FOXK2: variants seen among roughly 807,000 people sequenced by gnomAD.
The protein encoded by FOXK2 is forkhead box K2.
A neutral mutation model predicts 53.3 loss-of-function variants in FOXK2; 24 were observed. The ratio of observed to expected loss-of-function variants is 0.45; its 90% CI spans 0.33 to 0.63. The LOEUF is 0.63. Among genes scored for constraint, FOXK2 ranks in the 30% least tolerant of loss-of-function variants. The pLI, the probability that FOXK2 is intolerant of heterozygous loss-of-function variation, is 0.03. For missense variants in FOXK2, 952 were observed against 910.5 expected, an observed-to-expected ratio of 1.05 and a Z score of -0.59; for synonymous variants, 505 against 407.1, an observed-to-expected ratio of 1.24 and a Z score of -2.89.
chr17:82,600,364 C>T (rs1159191500), intron 8 of FOXK2: 3 of 152,250 alleles, frequency 2.0e-5, no homozygotes, highest in Non-Finnish European at 1.5e-5. Flanking sequence ...TGGACCGAAC[C>T]CCGGGGAAAG....
chr17:82,547,446 A>C (rs989803744), intron 1 of FOXK2, among the ~76,000 whole-genome samples: 2 of 151,946 alleles, frequency 1.3e-5, no homozygotes, highest in African/African-American at 4.8e-5. Context: ...CCTGGGCTGC[A>C]TGCAGCCCAC....
chr17:82,584,892 TTTAC>T (rs767615064), intron 6 of FOXK2, among the ~76,000 whole-genome samples: 1 of 152,212 alleles, frequency 6.6e-6, no homozygotes, highest in Non-Finnish European at 1.5e-5. Context: ...CAGTTTGCAG[TTTAC>T]TTAGTCATAA....
intron 8 of FOXK2, chr17:82,599,578 C>T (rs1012536901): frequency 5.9e-5 from 9 of 152,256 alleles, no homozygotes; most frequent in Non-Finnish European, 1.3e-4. Context: ...AAACGGGGCT[C>T]TCACGGCTGA....
intron 1 of FOXK2, among the ~76,000 whole-genome samples, chr17:82,556,745 A>G (rs1036947366): frequency 1.3e-4 from 20 of 151,916 alleles, no homozygotes; most frequent in Admixed American, 1.3e-3. Context: ...CACCCAGGCT[A>G]GAGTGCAGTG....
At chr17:82,549,086 A>C (rs1238558907) in intron 1 of FOXK2, among the ~76,000 whole-genome samples, 2 of 152,232 alleles carry the variant, frequency 1.3e-5, no homozygotes, top group Non-Finnish European at 2.9e-5. Flanking sequence ...TCTAAAACAC[A>C]TCCCGAATGA....
At position 82,520,183 on chromosome 17, in the gene FOXK2, C is replaced by A; in HGVS notation, c.295C>A (p.Pro99Thr). The change falls in exon 1 of 9, where the codon CCG becomes ACG. Residue 99 changes from proline to threonine, a missense_variant. Transcript: ENST00000335255. ...CCATGGCGGGGCCGCTCCGGAGCTGCCGCCCGCGCAGCCCAGGCCCGACGC... is the reference window on the plus strand; with the variant it reads ...CCATGGCGGGGCCGCTCCGGAGCTGACGCCCGCGCAGCCCAGGCCCGACGC... ...GGHGGAAPEL[P>T]PAQPRPDAGG... 6.9e-7 allele frequency: 1 copy of A among 1,445,840 alleles called. No individual in the cohort carries two copies. The highest frequency in any genetic ancestry group is 9.1e-7 in the Non-Finnish European group (1 of 1,096,980). The allele number at this position is 1,445,840 out of a possible 1,614,324, so 89.6% of individuals were successfully genotyped here. A position where few individuals can be genotyped will look rare whatever the true frequency, so the allele number is the denominator to read the frequency against.
At chr17:82,577,686 C>T (rs776949026) in intron 4 of FOXK2, among the ~76,000 whole-genome samples, 1 of 152,186 alleles carries the variant, frequency 6.6e-6, no homozygotes. Context: ...TTTGAAAGGA[C>T]GGGCCTCTCA....
chr17:82,562,592 A>AT (rs1481220146), intron 1 of FOXK2, among the ~76,000 whole-genome samples: 1 of 151,756 alleles, frequency 6.6e-6, no homozygotes, highest in African/African-American at 2.4e-5. Context: ...AAAAAAAAAA[A>AT]GGAAAGGAAT....
chr17:82,563,161 G>A (rs1404648922), intron 1 of FOXK2, among the ~76,000 whole-genome samples, 193 bp from the exon 2 acceptor site: 1 of 151,980 alleles, frequency 6.6e-6, no homozygotes, highest in African/African-American at 2.4e-5. Context: ...TTTTCTTACT[G>A]GTGTTTTTAA....
intron 7 of FOXK2, 24 bp downstream of exon 7, chr17:82,586,224 AG>A: frequency 7.9e-7 from 1 of 1,263,254 alleles, no homozygotes; most frequent in Non-Finnish European, 1.0e-6. Flanking sequence ...AAAGGAGGAG[AG>A]GGGAGACCAC....
intron 8 of FOXK2, among the ~76,000 whole-genome samples, chr17:82,594,452 C>T (rs549326193): frequency 6.1e-5 from 9 of 147,596 alleles, no homozygotes; most frequent in Admixed American, 3.4e-4. Flanking sequence ...GAGCTGAGAT[C>T]GCGCCACTGC....
chr17:82,582,217 G>A (rs941046947), intron 4 of FOXK2, among the ~76,000 whole-genome samples: 10 of 152,208 alleles, frequency 6.6e-5, no homozygotes, highest in Admixed American at 3.9e-4. Flanking sequence ...GGAATGCTCA[G>A]TGCTGACAGT....
intron 1 of FOXK2, among the ~76,000 whole-genome samples, chr17:82,529,174 C>T (rs1344593064): frequency 6.7e-6 from 1 of 150,112 alleles, no homozygotes; most frequent in Non-Finnish European, 1.5e-5. Flanking sequence ...TGCTTAAAAC[C>T]TTTATGCTAC....
At position 82,576,738 on chromosome 17, in the gene FOXK2, G is replaced by A. The variant is rs1006047681; in HGVS notation, c.909+4868G>A. ...TGCTCTGTAGTCCAAAACCGTGAAC[G>A]TAGCAGCATGTCGAATATGTCACCA... On this transcript the variant is annotated intron_variant, in intron 4 of 8. Transcript: ENST00000335255. 2.2e-5 allele frequency: 17 copies of A among 776,418 alleles called. No individual in the cohort carries two copies. The Admixed American group carries it at 3.2e-4, about 15-fold the overall frequency. 48.1% of individuals were successfully genotyped at this position (776,418 alleles called of 1,614,324 possible).
intron 1 of FOXK2, among the ~76,000 whole-genome samples, chr17:82,527,077 G>C (rs11653926): frequency 1.3e-5 from 2 of 151,904 alleles, no homozygotes; most frequent in Admixed American, 1.3e-4. Flanking sequence ...ACAAGCTTGT[G>C]AGTGGAGCTG....
intron 4 of FOXK2, chr17:82,576,547 A>G: frequency 2.9e-6 from 2 of 695,508 alleles, no homozygotes; most frequent in South Asian, 3.2e-5. Flanking sequence ...TTCTGTCATC[A>G]TGAGCTGAGC....
intron 1 of FOXK2, among the ~76,000 whole-genome samples, chr17:82,547,348 A>G (rs2044636243): frequency 6.6e-6 from 1 of 152,188 alleles, no homozygotes; most frequent in Non-Finnish European, 1.5e-5. Context: ...TGTCTACACT[A>G]ACAAGAGCTG....
chr17:82,539,799 C>T (rs1187401406), intron 1 of FOXK2, among the ~76,000 whole-genome samples: 4 of 144,454 alleles, frequency 2.8e-5, no homozygotes, highest in East Asian at 4.2e-4. Flanking sequence ...ACCCTGTCTC[C>T]GTTAAAAATA....
At chr17:82,580,025 GC>G (rs2045039816) in intron 4 of FOXK2, among the ~76,000 whole-genome samples, 1 of 70,052 alleles carries the variant, frequency 1.4e-5, no homozygotes. Flanking sequence ...TCTCCATGTC[GC>G]CCATGAAGTA....
Sources: gnomAD v4.1 joint callset for allele counts (sites outside exome capture counted in the v4.1 genomes callset) on GRCh38, gnomAD v4.1.1 for gene constraint, MANE v1.5 for transcripts, NCBI Gene and HGNC (gene_info 2026-07-23, HGNC 2026-07-21) for gene names.